CNTN1: variants seen among roughly 807,000 people sequenced by gnomAD.
CNTN1 encodes the protein contactin-1.
Under a neutral mutation model 126.4 loss-of-function variants are expected in CNTN1, and 38 were observed. The ratio of observed to expected loss-of-function variants is 0.30; its 90% CI spans 0.23 to 0.39. CNTN1 has a LOEUF of 0.39. CNTN1 is among the 10% of genes least tolerant of loss of function. CNTN1 has a pLI of 1.00. For missense variants in CNTN1, 1,009 were observed against 1,248.4 expected, an observed-to-expected ratio of 0.81 and a Z score of 2.89; for synonymous variants, 413 against 422.6, an observed-to-expected ratio of 0.98 and a Z score of 0.28.
chr12:41,056,419 T>C (rs1256350749), intron 23 of CNTN1, among the ~76,000 whole-genome samples: 1 of 152,082 alleles, frequency 6.6e-6, no homozygotes, highest in East Asian at 1.9e-4. Context: ...GTATACTATG[T>C]TAGGATGGGA....
intron 14 of CNTN1, among the ~76,000 whole-genome samples, chr12:40,951,236 A>G (rs1448660067): frequency 6.6e-6 from 1 of 152,144 alleles, no homozygotes; most frequent in African/African-American, 2.4e-5. Flanking sequence ...TGGACTCTTC[A>G]GCTGTCATTC....
At chr12:40,996,821 C>T (rs1444041120) in intron 17 of CNTN1, among the ~76,000 whole-genome samples, 2 of 152,156 alleles carry the variant, frequency 1.3e-5, no homozygotes, top group Non-Finnish European at 2.9e-5. Context: ...TGGACATTTA[C>T]ATTTTTCATT....
chr12:40,863,230 A>G (rs1943175719), intron 1 of CNTN1, among the ~76,000 whole-genome samples: 1 of 152,190 alleles, frequency 6.6e-6, no homozygotes, highest in Non-Finnish European at 1.5e-5. Flanking sequence ...ATGTTTATGA[A>G]TATAAGATTC....
chr12:40,917,719 A>T (rs1945295680), intron 3 of CNTN1, among the ~76,000 whole-genome samples: 1 of 152,118 alleles, frequency 6.6e-6, no homozygotes, highest in Admixed American at 6.6e-5. Context: ...ATGGCTTTGC[A>T]CTGTGCTCTC....
intron 1 of CNTN1, among the ~76,000 whole-genome samples, chr12:40,752,580 T>C (rs1330529895): frequency 6.6e-6 from 1 of 152,100 alleles, no homozygotes; most frequent in Non-Finnish European, 1.5e-5. Context: ...AGGTGTCAAC[T>C]TCAACTAGTG....
intron 1 of CNTN1, among the ~76,000 whole-genome samples, chr12:40,791,801 T>G (rs1478914608): frequency 6.6e-6 from 1 of 152,082 alleles, no homozygotes; most frequent in Non-Finnish European, 1.5e-5. Flanking sequence ...ATCTTCCCAC[T>G]GAGCACTGGA....
Position 41,014,258 on chromosome 12 carries a change from G to A in CNTN1, c.2144G>A (p.Gly715Asp). Reference sequence around the variant, plus strand: ...AATGTGGCTCCTTCAGATGTAGGAGGTGGAGGTGGAAGAAACAGAGAGCTG... The same window carrying A: ...AATGTGGCTCCTTCAGATGTAGGAGATGGAGGTGGAAGAAACAGAGAGCTG... ...APNVAPSDVGGGGGRNRELTI... is the reference protein window; with the variant it reads ...APNVAPSDVGDGGGRNRELTI... Residue 715 changes from glycine (G) to aspartate (D), a missense_variant, in exon 18 of 24, where the codon GGT becomes GAT. Gly to Asp is a moderately conservative substitution (Grantham distance 94). Transcript: ENST00000551295. 6.2e-7 allele frequency: 1 copy of A among 1,613,982 alleles called. No individual in the cohort carries two copies. Among genetic ancestry groups the A allele is most frequent in the Non-Finnish European group, 8.5e-7 (1 of 1,179,882 alleles).
chr12:40,795,812 C>T (rs988516481), intron 1 of CNTN1, among the ~76,000 whole-genome samples: 17 of 152,028 alleles, frequency 1.1e-4, no homozygotes, highest in African/African-American at 3.9e-4. Context: ...TTTCTGTAAT[C>T]GTTGCTAACA....
Position 40,750,966 on chromosome 12 carries a change from A to G in CNTN1, c.-77+58374A>G, listed in dbSNP as rs190806902. Among the ~76,000 whole-genome samples the G allele has an allele frequency of 2.8e-3, 420 of 152,232 alleles. 2 individuals are homozygous for G. Among genetic ancestry groups the G allele is most frequent in the African/African-American group, 8.9e-3 (370 of 41,558 alleles). ...CAGAGTGAGAAGAAGCCAAGGTCAT[A>G]ACTTGAAGAATTTCATTATTTGTTT... is the stretch of plus-strand genomic sequence containing the variant. On this transcript the variant is annotated intron_variant, in intron 1 of 23. Coordinates refer to ENST00000551295, the MANE Select transcript of CNTN1 (RefSeq NM_001843.4).
At chr12:40,751,482 GAGA>G (rs1209750373) in intron 1 of CNTN1, among the ~76,000 whole-genome samples, 1 of 151,946 alleles carries the variant, frequency 6.6e-6, no homozygotes. Context: ...TTTGTATCAG[GAGA>G]AGGAGTCAAA....
chr12:40,759,142 G>A (rs1938733186), intron 1 of CNTN1, among the ~76,000 whole-genome samples: 1 of 152,030 alleles, frequency 6.6e-6, no homozygotes, highest in African/African-American at 2.4e-5. Context: ...GACCTTAAGT[G>A]ATCCATTTGC....
At chr12:40,922,184 G>A in intron 4 of CNTN1, 72 bp from the exon 5 acceptor site, 3 of 1,328,212 alleles carry the variant, frequency 2.3e-6, no homozygotes, top group Non-Finnish European at 3.3e-6. Context: ...AATTATTTTA[G>A]AACTGTGTTA....
chr12:40,934,630 C>G (rs954945065), intron 9 of CNTN1, among the ~76,000 whole-genome samples: 2 of 151,784 alleles, frequency 1.3e-5, no homozygotes, highest in Non-Finnish European at 2.9e-5. Flanking sequence ...CAATATTATT[C>G]GTTTTTAACT....
In CNTN1 at chr12:40,784,923, G is replaced by A. The variant is rs563173921; in HGVS notation, c.-77+92331G>A. 1.2e-4 allele frequency among the ~76,000 whole-genome samples: 18 copies of A among 152,208 alleles called. 1 individual carries two copies. The highest frequency in any genetic ancestry group is 4.1e-4 in the African/African-American group (17 of 41,530). Reference sequence around the variant, plus strand: ...AAACCTCAACTGATACTTTTGTGTGGTTACAGATTCATAGTCATGGGGTGG... The same window carrying A: ...AAACCTCAACTGATACTTTTGTGTGATTACAGATTCATAGTCATGGGGTGG... On this transcript the variant is annotated intron_variant, in intron 1 of 23. Coordinates refer to ENST00000551295, the MANE Select transcript of CNTN1 (RefSeq NM_001843.4).
At chr12:40,788,819 T>G (rs1311295911) in intron 1 of CNTN1, among the ~76,000 whole-genome samples, 1 of 152,150 alleles carries the variant, frequency 6.6e-6, no homozygotes, top group Non-Finnish European at 1.5e-5. Flanking sequence ...TTTTATGTTC[T>G]GCCTCATCAC....
chr12:40,819,992 C>G (rs560505458), intron 1 of CNTN1, among the ~76,000 whole-genome samples: 1 of 152,296 alleles, frequency 6.6e-6, no homozygotes, highest in Non-Finnish European at 1.5e-5. Context: ...TGCCAGCCTT[C>G]TAGTCAATTT....
At chr12:40,914,506 G>T (rs749282260) in intron 3 of CNTN1, among the ~76,000 whole-genome samples, 3 of 152,096 alleles carry the variant, frequency 2.0e-5, no homozygotes, top group Non-Finnish European at 2.9e-5. Flanking sequence ...TACATTATGT[G>T]ACTCAGGCTT....
intron 15 of CNTN1, among the ~76,000 whole-genome samples, chr12:40,967,738 G>C (rs1008086134): frequency 2.6e-5 from 4 of 152,070 alleles, no homozygotes; most frequent in African/African-American, 9.6e-5. Flanking sequence ...TACAAGTCTC[G>C]AAGAATATGA....
At chr12:40,747,385 C>T (rs894953656) in intron 1 of CNTN1, among the ~76,000 whole-genome samples, 3 of 150,630 alleles carry the variant, frequency 2.0e-5, no homozygotes, top group African/African-American at 7.3e-5. Flanking sequence ...GAGAAGCAAG[C>T]CGTGCAAAGA....
Sources: gnomAD v4.1 joint callset for allele counts (sites outside exome capture counted in the v4.1 genomes callset) on GRCh38, gnomAD v4.1.1 for gene constraint, MANE v1.5 for transcripts, NCBI Gene and HGNC (gene_info 2026-07-23, HGNC 2026-07-21) for gene names.